The following SLC16A7 variants were observed in gnomAD, a reference collection of about 807,000 sequenced individuals.
SLC16A7 encodes the protein solute carrier family 16 member 7, also known as monocarboxylate transporter 2.
SLC16A7 carries 33 observed loss-of-function variants against 34.9 expected under a neutral mutation model. The observed-to-expected ratio is 0.94, with a 90% CI of 0.72 to 1.26. The LOEUF (loss-of-function observed/expected upper bound fraction) is 1.26. Ranked by LOEUF, SLC16A7 falls within the 50% of genes most tolerant of loss-of-function variation. The pLI, the probability that SLC16A7 is intolerant of heterozygous loss-of-function variation, is 0.00. For synonymous variants in SLC16A7, 201 were observed against 206.6 expected (o/e 0.97, Z 0.23); for missense variants, 573 against 578.1 (o/e 0.99, Z 0.09).
intron 1 of SLC16A7, among the ~76,000 whole-genome samples, chr12:59,642,820 T>C (rs959721075): frequency 6.6e-6 from 1 of 152,074 alleles, no homozygotes; most frequent in Non-Finnish European, 1.5e-5. Context: ...GATTCCATAA[T>C]TGTTGTGAAG....
At chr12:59,767,979 A>C (rs1344135447) in intron 3 of SLC16A7, 3 of 330,172 alleles carry the variant, frequency 9.1e-6, no homozygotes, top group Non-Finnish European at 1.8e-5. Context: ...GCATTAGGAG[A>C]TATACCTAAT....
Position 59,787,346 on chromosome 12 carries a change from C to A in SLC16A7, c.*7667C>A, listed in dbSNP as rs1271652438. 1 of 152,098 alleles carries A rather than the reference C, an allele frequency of 6.6e-6. No homozygotes were observed. The highest frequency in any genetic ancestry group is 6.6e-5 in the Admixed American group (1 of 15,258). The allele number at this position is 152,098 out of a possible 1,614,324, so 9.4% of individuals were successfully genotyped here. A position where few individuals can be genotyped will look rare whatever the true frequency, so the allele number is the denominator to read the frequency against. ...ATGAAATTATTAGAGTAAGTTCTATCTCAAAAATTTCTTATTTTATGAATG... is the reference window on the plus strand; with the variant it reads ...ATGAAATTATTAGAGTAAGTTCTATATCAAAAATTTCTTATTTTATGAATG... On this transcript the variant is annotated 3_prime_UTR_variant, in exon 6 of 6. Coordinates refer to ENST00000547379, the MANE Select transcript of SLC16A7 (RefSeq NM_001270623.2).
At chr12:59,749,374 C>T (rs1879247030) in intron 3 of SLC16A7, among the ~76,000 whole-genome samples, 1 of 152,144 alleles carries the variant, frequency 6.6e-6, no homozygotes, top group Non-Finnish European at 1.5e-5. Flanking sequence ...CAGGAAGTAC[C>T]TTGCCAGTAA....
chr12:59,713,719 C>T (rs1056605219), intron 3 of SLC16A7, among the ~76,000 whole-genome samples: 3 of 152,152 alleles, frequency 2.0e-5, no homozygotes, highest in Non-Finnish European at 2.9e-5. Flanking sequence ...AGACACTAGC[C>T]TTGCACAATC....
chr12:59,779,231 A>T (rs1191271049), intron 5 of SLC16A7, among the ~76,000 whole-genome samples, 192 bp from the exon 6 acceptor site: 1 of 152,102 alleles, frequency 6.6e-6, no homozygotes, highest in African/African-American at 2.4e-5. Context: ...TAGTAATATA[A>T]TACTGTAAGT....
chr12:59,745,776 C>T (rs950871383), intron 3 of SLC16A7, among the ~76,000 whole-genome samples: 1 of 152,158 alleles, frequency 6.6e-6, no homozygotes, highest in Non-Finnish European at 1.5e-5. Context: ...AAGGCATATT[C>T]GTCAGAATTA....
At chr12:59,680,175 G>C (rs1592484798) in intron 2 of SLC16A7, among the ~76,000 whole-genome samples, 1 of 152,296 alleles carries the variant, frequency 6.6e-6, no homozygotes, top group East Asian at 1.9e-4. Context: ...GAGAGGCAAA[G>C]GACAGGAAAA....
At chr12:59,745,989 A>G (rs1247914236) in intron 3 of SLC16A7, among the ~76,000 whole-genome samples, 2 of 152,206 alleles carry the variant, frequency 1.3e-5, no homozygotes, top group Non-Finnish European at 2.9e-5. Flanking sequence ...TGAATGGGAC[A>G]TGTCTTATTT....
chr12:59,634,530 C>T (rs1880329842), intron 1 of SLC16A7, among the ~76,000 whole-genome samples: 1 of 151,856 alleles, frequency 6.6e-6, no homozygotes, highest in Non-Finnish European at 1.5e-5. Context: ...AGGGGGATTC[C>T]AGCCAAACCA....
At chr12:59,625,525 T>C (rs1353700622) in intron 1 of SLC16A7, among the ~76,000 whole-genome samples, 1 of 151,808 alleles carries the variant, frequency 6.6e-6, no homozygotes, top group East Asian at 1.9e-4. Flanking sequence ...GAAACTTCCT[T>C]AATGATTGTG....
chr12:59,652,620 G>T (rs1459863308), intron 1 of SLC16A7, among the ~76,000 whole-genome samples: 2 of 151,772 alleles, frequency 1.3e-5, no homozygotes, highest in East Asian at 3.9e-4. Context: ...AATTGGATGA[G>T]AAATTAGACA....
intron 3 of SLC16A7, among the ~76,000 whole-genome samples, chr12:59,759,273 TTTATC>T (rs1349511254): frequency 2.0e-5 from 3 of 151,974 alleles, no homozygotes; most frequent in Admixed American, 6.6e-5. Context: ...TAGCTGCACT[TTTATC>T]TGTCTGTTAA....
intron 5 of SLC16A7, among the ~76,000 whole-genome samples, chr12:59,776,541 C>T (rs1212132593): frequency 6.6e-6 from 1 of 152,174 alleles, no homozygotes; most frequent in African/African-American, 2.4e-5. Context: ...TGGTCAGAGT[C>T]ATTGCCAGGC....
intron 1 of SLC16A7, among the ~76,000 whole-genome samples, chr12:59,649,494 A>G (rs570028013): frequency 4.5e-4 from 69 of 152,258 alleles, no homozygotes; most frequent in African/African-American, 1.6e-3. Flanking sequence ...CTGACTTTCA[A>G]CCACATTATT....
intron 1 of SLC16A7, among the ~76,000 whole-genome samples, chr12:59,598,567 G>T (rs1186875308): frequency 1.3e-5 from 2 of 152,164 alleles, no homozygotes; most frequent in Non-Finnish European, 2.9e-5. Context: ...AGAAATGTTG[G>T]TAAGATCTGC....
At chr12:59,638,728 T>G (rs1384057212) in intron 1 of SLC16A7, among the ~76,000 whole-genome samples, 3 of 152,192 alleles carry the variant, frequency 2.0e-5, no homozygotes, top group African/African-American at 7.2e-5. Context: ...AACATGATAC[T>G]AAGTACTTAT....
chr12:59,670,607 A>T (rs1008635334), intron 2 of SLC16A7, among the ~76,000 whole-genome samples: 1 of 152,222 alleles, frequency 6.6e-6, no homozygotes, highest in Non-Finnish European at 1.5e-5. Context: ...TGAAACATAG[A>T]AAATAGGTCA....
chr12:59,712,829 C>T (rs1255886692), intron 3 of SLC16A7, among the ~76,000 whole-genome samples: 1 of 151,980 alleles, frequency 6.6e-6, no homozygotes, highest in East Asian at 1.9e-4. Flanking sequence ...TTTAATCCCC[C>T]CTCATATTCT....
rs918727464 is a variant in SLC16A7, at chr12:59,713,340, G to C, written c.217+8322G>C. ...CAGCTGAATGTTTCCTTTAAAAGAA[G>C]GACCTTTCCTACTCTTTCCCAGCTC... is the stretch of plus-strand genomic sequence containing the variant. On this transcript the variant is annotated intron_variant, in intron 3 of 5. Transcript: ENST00000547379. 5.3e-5 allele frequency among the ~76,000 whole-genome samples: 8 copies of C among 152,056 alleles called. No homozygotes were observed. The East Asian group carries it at 1.6e-3, about 29-fold the overall frequency.
Sources: gnomAD v4.1 joint callset for allele counts (sites outside exome capture counted in the v4.1 genomes callset) on GRCh38, gnomAD v4.1.1 for gene constraint, MANE v1.5 for transcripts, NCBI Gene and HGNC (gene_info 2026-07-23, HGNC 2026-07-21) for gene names.